STXBP5L: variants seen among roughly 807,000 people sequenced by gnomAD.
STXBP5L encodes syntaxin-binding protein 5-like.
A neutral mutation model predicts 144.5 loss-of-function variants in STXBP5L; 65 were observed. The observed-to-expected ratio is 0.45, with a 90% CI of 0.37 to 0.55. The LOEUF (loss-of-function observed/expected upper bound fraction) is 0.55, where lower values mean the gene tolerates loss of function less well. Among genes scored for constraint, STXBP5L ranks in the 20% least tolerant of loss-of-function variants. The pLI is 0.00. For missense variants in STXBP5L, 1,298 were observed against 1,405.5 expected, an observed-to-expected ratio of 0.92 and a Z score of 1.22; for synonymous variants, 505 against 469.6, an observed-to-expected ratio of 1.08 and a Z score of -0.97.
At chr3:121,083,556 G>A (rs138550962) in intron 5 of STXBP5L, among the ~76,000 whole-genome samples, 195 of 151,400 alleles carry the variant, frequency 1.3e-3, no homozygotes, top group African/African-American at 4.1e-3. Context: ...CCAGTTACTC[G>A]GGAGGCTGAG....
chr3:121,071,924 T>G (rs1205363307), intron 5 of STXBP5L, among the ~76,000 whole-genome samples: 1 of 152,222 alleles, frequency 6.6e-6, no homozygotes, highest in Admixed American at 6.5e-5. Flanking sequence ...AGAAGGACCA[T>G]GGGCAGCACC....
chr3:121,413,119 AC>A, intron 23 of STXBP5L, 38 bp from the exon 24 acceptor site: 1 of 1,421,330 alleles, frequency 7.0e-7, no homozygotes, highest in South Asian at 1.7e-5. Flanking sequence ...GCTTCTAACA[AC>A]CTGCATATGA....
At chr3:121,066,593 T>G (rs2041561827) in intron 5 of STXBP5L, among the ~76,000 whole-genome samples, 1 of 152,102 alleles carries the variant, frequency 6.6e-6, no homozygotes, top group Non-Finnish European at 1.5e-5. Context: ...TTATTATATG[T>G]GCTAATATAT....
intron 2 of STXBP5L, among the ~76,000 whole-genome samples, chr3:120,948,024 A>C (rs571612828): frequency 6.6e-6 from 1 of 151,936 alleles, no homozygotes; most frequent in East Asian, 1.9e-4. Context: ...AGGAACTACC[A>C]ATCTATTTTC....
At chr3:121,098,696 G>T (rs572956221) in intron 5 of STXBP5L, among the ~76,000 whole-genome samples, 2 of 152,262 alleles carry the variant, frequency 1.3e-5, no homozygotes, top group East Asian at 3.9e-4. Context: ...CCTTTGTAGG[G>T]TTGGCCTGGC....
Position 121,255,089 on chromosome 3 carries a change from C to T in STXBP5L, c.1636C>T (p.His546Tyr). Residue 546 changes from histidine to tyrosine, a missense_variant, in exon 16 of 27, where the codon CAT (histidine) becomes TAT (tyrosine). By Grantham distance (83) the His-to-Tyr change is moderately conservative. Transcript: ENST00000471454. Reference protein sequence around the residue: ...AYVIIYKFSRHEITTEIVSLE... With the variant: ...AYVIIYKFSRYEITTEIVSLE... ...TGTCATAATTTATAAATTCAGCAGA[C>T]ATGAAATTACAACAGAAATAGTGGT... is the stretch of plus-strand genomic sequence containing the variant. 1 of 1,592,222 alleles carries T rather than the reference C, an allele frequency of 6.3e-7. No homozygotes were observed. The highest frequency in any genetic ancestry group is 8.5e-7 in the Non-Finnish European group (1 of 1,170,530).
chr3:121,272,907 C>G (rs982285560), intron 18 of STXBP5L, among the ~76,000 whole-genome samples: 1 of 152,030 alleles, frequency 6.6e-6, no homozygotes, highest in Non-Finnish European at 1.5e-5. Context: ...ACCTGTCACT[C>G]TCCTCCAGCA....
chr3:121,118,492 C>T (rs2044324632), intron 6 of STXBP5L, among the ~76,000 whole-genome samples: 1 of 151,548 alleles, frequency 6.6e-6, no homozygotes, highest in East Asian at 1.9e-4. Context: ...GATAGGATAG[C>T]AAGGGATAAA....
At chr3:121,133,327 T>C (rs1053719402) in intron 7 of STXBP5L, among the ~76,000 whole-genome samples, 4 of 152,152 alleles carry the variant, frequency 2.6e-5, no homozygotes, top group African/African-American at 9.7e-5. Context: ...TGTTCAGATA[T>C]GTTATTATCA....
chr3:121,017,830 AT>A (rs1442985051), intron 3 of STXBP5L, among the ~76,000 whole-genome samples: 3 of 152,120 alleles, frequency 2.0e-5, no homozygotes, highest in African/African-American at 7.2e-5. Context: ...TAATCACAAC[AT>A]TTTGGGAGGC....
intron 20 of STXBP5L, among the ~76,000 whole-genome samples, chr3:121,351,372 G>A (rs574983971): frequency 1.3e-5 from 2 of 152,224 alleles, no homozygotes; most frequent in African/African-American, 4.8e-5. Flanking sequence ...TGCCCCTAAT[G>A]GGGGGTGCCT....
intron 20 of STXBP5L, among the ~76,000 whole-genome samples, chr3:121,366,278 G>C (rs917843094): frequency 4.6e-5 from 7 of 151,544 alleles, no homozygotes; most frequent in Non-Finnish European, 7.4e-5. Context: ...AGATCTAGTT[G>C]GTTTATTGTA....
At chr3:121,338,729 C>T (rs1281333467) in intron 20 of STXBP5L, among the ~76,000 whole-genome samples, 1 of 151,460 alleles carries the variant, frequency 6.6e-6, no homozygotes, top group South Asian at 2.1e-4. Flanking sequence ...CAGCTGATAC[C>T]ACAGGAATAC....
At chr3:121,272,002 G>C (rs953883422) in intron 18 of STXBP5L, among the ~76,000 whole-genome samples, 1 of 152,182 alleles carries the variant, frequency 6.6e-6, no homozygotes, top group Non-Finnish European at 1.5e-5. Context: ...GATCAGGAAA[G>C]GTACTTGATA....
intron 6 of STXBP5L, among the ~76,000 whole-genome samples, chr3:121,115,365 C>A (rs764959253): frequency 6.6e-6 from 1 of 152,152 alleles, no homozygotes; most frequent in Non-Finnish European, 1.5e-5. Context: ...AGTATAGCAA[C>A]TTTCAGTGAG....
At chr3:121,241,364 AACAC>A (rs1421821201) in intron 14 of STXBP5L, among the ~76,000 whole-genome samples, 1 of 123,182 alleles carries the variant, frequency 8.1e-6, no homozygotes, top group Non-Finnish European at 1.7e-5. Context: ...GTTTAACAAC[AACAC>A]ACACACATAC....
intron 3 of STXBP5L, among the ~76,000 whole-genome samples, chr3:121,038,369 T>A (rs1325483287): frequency 6.6e-6 from 1 of 152,006 alleles, no homozygotes; most frequent in Non-Finnish European, 1.5e-5. Context: ...TTTTTATCAA[T>A]GCTTATTTAG....
At chr3:121,141,010 A>G (rs1049409467) in intron 7 of STXBP5L, among the ~76,000 whole-genome samples, 1 of 152,170 alleles carries the variant, frequency 6.6e-6, no homozygotes, top group Non-Finnish European at 1.5e-5. Context: ...AAAACATACA[A>G]TGTTATCTGT....
intron 3 of STXBP5L, among the ~76,000 whole-genome samples, chr3:121,015,670 G>T (rs1192671107): frequency 6.6e-6 from 1 of 152,134 alleles, no homozygotes; most frequent in African/African-American, 2.4e-5. Context: ...CTGGCAGGGT[G>T]CTTATTCTTC....
Sources: gnomAD v4.1 joint callset for allele counts (sites outside exome capture counted in the v4.1 genomes callset) on GRCh38, gnomAD v4.1.1 for gene constraint, MANE v1.5 for transcripts, NCBI Gene and HGNC (gene_info 2026-07-23, HGNC 2026-07-21) for gene names.